WDPCP: variants seen among roughly 807,000 people sequenced by gnomAD.
The protein encoded by WDPCP is WD repeat-containing and planar cell polarity effector protein fritz homolog.
WDPCP carries 71 observed loss-of-function variants against 93.1 expected under a neutral mutation model. That is an observed-to-expected ratio of 0.76 (90% CI 0.63 to 0.93). The LOEUF is 0.93. Among genes scored for constraint, WDPCP ranks in the 40% least tolerant of loss-of-function variants. The pLI is 0.00. For missense variants in WDPCP, 844 were observed against 887.4 expected (o/e 0.95, Z 0.62); for synonymous variants, 315 against 315.0 (o/e 1.00, Z 0.00).
At chr2:63,218,532 A>C (rs1054701744) in intron 14 of WDPCP, among the ~76,000 whole-genome samples, 1 of 151,100 alleles carries the variant, frequency 6.6e-6, no homozygotes, top group African/African-American at 2.4e-5. Flanking sequence ...TATTTATTTT[A>C]TTATTATTAT....
intron 2 of WDPCP, among the ~76,000 whole-genome samples, chr2:63,802,184 G>A (rs569956220): frequency 1.3e-4 from 19 of 145,920 alleles, no homozygotes; most frequent in African/African-American, 3.5e-4. Flanking sequence ...GGTGGCTCAC[G>A]CCTGTAGTCC....
At chr2:63,351,645 C>A (rs1689621683) in intron 12 of WDPCP, among the ~76,000 whole-genome samples, 1 of 152,100 alleles carries the variant, frequency 6.6e-6, no homozygotes, top group South Asian at 2.1e-4. Flanking sequence ...TATACAGGTA[C>A]CACATTTTCT....
chr2:63,780,624 C>T lies in WDPCP; in HGVS notation n.308+32998G>A, dbSNP rs1445008866. On this transcript the variant is annotated intron_variant and non_coding_transcript_variant, in intron 2 of 4. Transcript: ENST00000467687. ...GAGCTGAAGTGTAAGAAATGAAAGG[C>T]AAAGTCAGGAGGAGAATCACAGTGT... Among the ~76,000 whole-genome samples, 5 of 152,136 alleles carry T rather than the reference C, an allele frequency of 3.3e-5. No individual in the cohort carries two copies. In the East Asian group the frequency reaches 9.6e-4, roughly 29 times the overall value.
rs1669465398 is a variant in WDPCP at position 63,119,969 on chromosome 2, GA to G, written c.*2036del. Among the ~76,000 whole-genome samples the G allele has an allele frequency of 6.6e-6, 1 of 152,134 alleles. No individual in the cohort carries two copies. The highest frequency in any genetic ancestry group is 2.4e-5 in the African/African-American group (1 of 41,424). On this transcript the variant is annotated 3_prime_UTR_variant, in exon 18 of 18. Transcript: ENST00000272321. ...CTTTTCTAGAGGTATGTGAAGTGGG[GA>G]AAATGGGTACTTTAAGAACTATGAT...
chr2:63,246,590 A>C (rs1680294337), intron 14 of WDPCP, among the ~76,000 whole-genome samples: 1 of 152,316 alleles, frequency 6.6e-6, no homozygotes, highest in African/African-American at 2.4e-5. Context: ...GATGTTTAGC[A>C]TGAAGGATGC....
At chr2:63,630,097 T>G (rs189160526) in intron 3 of WDPCP, among the ~76,000 whole-genome samples, 1 of 152,310 alleles carries the variant, frequency 6.6e-6, no homozygotes, top group East Asian at 1.9e-4. Context: ...ATAAGTGATG[T>G]GCAATATCTA....
intron 2 of WDPCP, among the ~76,000 whole-genome samples, chr2:63,651,715 C>T (rs909706988): frequency 2.6e-5 from 4 of 152,086 alleles, no homozygotes; most frequent in East Asian, 1.9e-4. Flanking sequence ...GTCAGCTGAT[C>T]GTAGATGTTC....
At chr2:63,350,081 CACATAT>C (rs1382917239) in intron 12 of WDPCP, among the ~76,000 whole-genome samples, 2 of 152,112 alleles carry the variant, frequency 1.3e-5, no homozygotes, top group African/African-American at 4.8e-5. Flanking sequence ...GAAAATGTGG[CACATAT>C]ACACCATGGA....
chr2:63,176,055 A>G (rs1179043411), intron 14 of WDPCP, among the ~76,000 whole-genome samples: 1 of 152,158 alleles, frequency 6.6e-6, no homozygotes, highest in East Asian at 1.9e-4. Flanking sequence ...ACAGTGCACA[A>G]AGATTCTAAT....
At chr2:63,781,058 A>T (rs1195762396) in intron 2 of WDPCP, among the ~76,000 whole-genome samples, 1 of 152,170 alleles carries the variant, frequency 6.6e-6, no homozygotes, top group Non-Finnish European at 1.5e-5. Context: ...TCTGTTACAG[A>T]ATTGGTTTGA....
intron 12 of WDPCP, among the ~76,000 whole-genome samples, chr2:63,329,634 C>T (rs1687832098): frequency 6.6e-6 from 1 of 151,788 alleles, no homozygotes; most frequent in Non-Finnish European, 1.5e-5. Flanking sequence ...TCATTATTAC[C>T]CTTCCCCCAA....
chr2:63,446,807 G>A (rs1697898132), intron 6 of WDPCP, among the ~76,000 whole-genome samples: 1 of 152,190 alleles, frequency 6.6e-6, no homozygotes. Context: ...TATCTTGTTA[G>A]AACACCTTCT....
chr2:63,720,427 A>AAC (rs1553452387), intron 2 of WDPCP, among the ~76,000 whole-genome samples: 32 of 151,890 alleles, frequency 2.1e-4, no homozygotes, highest in African/African-American at 7.7e-4. Context: ...AAAAAAAAAA[A>AAC]AAAACAAAAC....
chr2:63,639,700 A>G (rs938345235), intron 3 of WDPCP, among the ~76,000 whole-genome samples: 2 of 152,228 alleles, frequency 1.3e-5, no homozygotes, highest in African/African-American at 4.8e-5. Flanking sequence ...AAGAACATAT[A>G]AAGGTATTTA....
At chr2:63,432,131 A>G (rs1244412192) in intron 9 of WDPCP, among the ~76,000 whole-genome samples, 7 of 152,188 alleles carry the variant, frequency 4.6e-5, no homozygotes, top group Admixed American at 4.6e-4. Flanking sequence ...TGGTACTGTT[A>G]CAGAGAGGAG....
intron 12 of WDPCP, among the ~76,000 whole-genome samples, chr2:63,326,700 GAGAC>G (rs139292773): frequency 0.04 from 5,998 of 151,756 alleles, 180 homozygotes; most frequent in Non-Finnish European, 0.056. Flanking sequence ...CAAAGAGAAG[GAGAC>G]AGACAGAAAG....
intron 6 of WDPCP, among the ~76,000 whole-genome samples, chr2:63,465,815 G>A (rs1699312552): frequency 6.6e-6 from 1 of 152,110 alleles, no homozygotes; most frequent in African/African-American, 2.4e-5. Flanking sequence ...AGCAAGCCCT[G>A]AAAACCCAGC....
intron 2 of WDPCP, among the ~76,000 whole-genome samples, chr2:63,772,804 T>C (rs914923290): frequency 7.9e-5 from 12 of 152,178 alleles, no homozygotes; most frequent in African/African-American, 2.9e-4. Flanking sequence ...GTAAACTTCA[T>C]TAAGCTGATA....
chr2:63,741,308 T>A (rs974849523), intron 2 of WDPCP, among the ~76,000 whole-genome samples: 5 of 151,988 alleles, frequency 3.3e-5, no homozygotes, highest in African/African-American at 1.2e-4. Flanking sequence ...GGACCTTCTT[T>A]GATTTATTTT....
Sources: gnomAD v4.1 joint callset for allele counts (sites outside exome capture counted in the v4.1 genomes callset) on GRCh38, gnomAD v4.1.1 for gene constraint, MANE v1.5 for transcripts, NCBI Gene and HGNC (gene_info 2026-07-23, HGNC 2026-07-21) for gene names.